Variants in EXOC4 observed in about 807,000 individuals in gnomAD.
EXOC4 encodes the protein exocyst complex component 4.
In EXOC4, 71 loss-of-function variants were observed where a neutral mutation model predicts 107.2. That is an observed-to-expected ratio of 0.66 (90% CI 0.55 to 0.81). EXOC4 has a LOEUF of 0.81. EXOC4 is among the 30% of genes least tolerant of loss of function. The pLI is 0.00. For missense variants in EXOC4, 1,108 were observed against 1,189.6 expected (o/e 0.93, Z 1.01); for synonymous variants, 456 against 441.2 (o/e 1.03, Z -0.42).
intron 7 of EXOC4, among the ~76,000 whole-genome samples, chr7:133,384,985 G>A (rs1796697334): frequency 6.6e-6 from 1 of 152,082 alleles, no homozygotes; most frequent in Non-Finnish European, 1.5e-5. Flanking sequence ...TCTGCAGCAT[G>A]GACTGGTTAG....
the EXOC4 span, among the ~76,000 whole-genome samples, chr7:134,088,717 G>T: frequency 6.6e-6 from 1 of 152,094 alleles, no homozygotes; most frequent in Non-Finnish European, 1.5e-5. Context: ...TTTTGAAGAG[G>T]ATTGAAACAA....
chr7:133,532,444 A>T (rs1215784185), intron 9 of EXOC4, among the ~76,000 whole-genome samples: 1 of 152,132 alleles, frequency 6.6e-6, no homozygotes, highest in African/African-American at 2.4e-5. Context: ...CACACTGATC[A>T]AGAGTTGGTG....
chr7:133,443,194 A>G (rs1487795641), intron 7 of EXOC4, among the ~76,000 whole-genome samples: 3 of 152,144 alleles, frequency 2.0e-5, no homozygotes, highest in Non-Finnish European at 4.4e-5. Flanking sequence ...AGGCACAGGC[A>G]TGGTTGTGGA....
intron 9 of EXOC4, chr7:133,576,485 G>A (rs1424986151): frequency 1.6e-6 from 2 of 1,281,696 alleles, no homozygotes; most frequent in Non-Finnish European, 2.0e-6. Flanking sequence ...TCTGTCGGTT[G>A]CATTTGATTT....
chr7:133,331,902 A>C (rs1344147860), intron 5 of EXOC4, among the ~76,000 whole-genome samples: 5 of 152,136 alleles, frequency 3.3e-5, no homozygotes, highest in African/African-American at 1.2e-4. Context: ...CTCCTCAGTC[A>C]CAGTATTTTG....
intron 13 of EXOC4, among the ~76,000 whole-genome samples, chr7:133,923,545 C>T (rs1374585134): frequency 6.6e-6 from 1 of 152,098 alleles, no homozygotes; most frequent in South Asian, 2.1e-4. Context: ...TATTTATTGG[C>T]CATTTGAATA....
intron 17 of EXOC4, among the ~76,000 whole-genome samples, chr7:134,048,987 T>C (rs1795722013): frequency 6.6e-6 from 1 of 152,172 alleles, no homozygotes; most frequent in Non-Finnish European, 1.5e-5. Context: ...TGTGACTTCT[T>C]TCTAAAATCG....
intron 5 of EXOC4, among the ~76,000 whole-genome samples, chr7:133,327,830 C>A (rs758703164): frequency 6.6e-6 from 1 of 152,090 alleles, no homozygotes; most frequent in African/African-American, 2.4e-5. Flanking sequence ...CGTTCTTTTG[C>A]ATTTGCTGAG....
At chr7:133,714,347 A>G (rs1467914654) in intron 10 of EXOC4, among the ~76,000 whole-genome samples, 1 of 152,088 alleles carries the variant, frequency 6.6e-6, no homozygotes, top group Non-Finnish European at 1.5e-5. Context: ...CATAGTCTGT[A>G]TTGTATGTTC....
rs1554477961 is a variant in EXOC4 at position 133,604,706 on chromosome 7, C to CTTTTTTT, written c.1418-25336_1418-25335insTTTTTTT. Among the ~76,000 whole-genome samples, 470 of 87,448 alleles carry CTTTTTTT rather than the reference C, an allele frequency of 5.4e-3. 55 individuals carry two copies. Among genetic ancestry groups the CTTTTTTT allele is most frequent in the South Asian group, 5.8e-3 (15 of 2,590 alleles). 57.4% of individuals were successfully genotyped at this position (87,448 alleles called of 152,430 possible). On this transcript the variant is annotated intron_variant, in intron 9 of 17. Transcript: ENST00000253861. ...TTTTTCTTTCCTTCCTTCCTTCCTT[C>CTTTTTTT]TTTCTTTTTTTTTTTTTTTTTTTTT...
At chr7:133,794,472 C>T (rs183880338) in intron 10 of EXOC4, among the ~76,000 whole-genome samples, 184 of 152,266 alleles carry the variant, frequency 1.2e-3, no homozygotes, top group African/African-American at 4.2e-3. Flanking sequence ...ATTTGGAGTT[C>T]TTACTTTATT....
chr7:133,427,223 T>C (rs1313444233), intron 7 of EXOC4, among the ~76,000 whole-genome samples: 1 of 152,150 alleles, frequency 6.6e-6, no homozygotes, highest in Non-Finnish European at 1.5e-5. Flanking sequence ...ATGAGGAGTA[T>C]TTGTTTTTGT....
chr7:133,859,223 T>C (rs535899087), intron 11 of EXOC4, among the ~76,000 whole-genome samples: 86 of 152,282 alleles, frequency 5.6e-4, no homozygotes, highest in Non-Finnish European at 9.3e-4. Flanking sequence ...AGAACATCAA[T>C]CTTCAGTGCC....
chr7:133,441,658 G>A (rs570051476), intron 7 of EXOC4, among the ~76,000 whole-genome samples: 1 of 152,142 alleles, frequency 6.6e-6, no homozygotes, highest in Non-Finnish European at 1.5e-5. Flanking sequence ...CTCCCAAAGT[G>A]CTGGGATTAC....
intron 5 of EXOC4, among the ~76,000 whole-genome samples, chr7:133,345,208 C>T (rs1795756787): frequency 6.6e-6 from 1 of 152,146 alleles, no homozygotes; most frequent in Non-Finnish European, 1.5e-5. Flanking sequence ...CTCTGAGCTA[C>T]ACATACTATC....
intron 10 of EXOC4, among the ~76,000 whole-genome samples, chr7:133,816,837 A>G (rs539453841): frequency 6.6e-6 from 1 of 152,286 alleles, no homozygotes; most frequent in Non-Finnish European, 1.5e-5. Flanking sequence ...GGCGGAGCTC[A>G]GGTGGTAATG....
chr7:134,043,410 T>G (rs1334318666), intron 17 of EXOC4, among the ~76,000 whole-genome samples: 1 of 152,160 alleles, frequency 6.6e-6, no homozygotes, highest in East Asian at 1.9e-4. Context: ...TTGTAAACAT[T>G]TACACCCCCC....
At chr7:133,484,451 A>G (rs1360154226) in intron 9 of EXOC4, among the ~76,000 whole-genome samples, 2 of 152,166 alleles carry the variant, frequency 1.3e-5, no homozygotes, top group South Asian at 2.1e-4. Context: ...GTTTTAATGA[A>G]CATTTTATTT....
rs987787429 is a variant in EXOC4, at chr7:133,344,258, A to G, written c.764-12072A>G. ...TCCTATCCCAAATTCTTGTTTGAGT[A>G]TATTGGTTCCATCTGGAATGTTGCC... On this transcript the variant is annotated intron_variant, in intron 5 of 17. Transcript: ENST00000253861. Among the ~76,000 whole-genome samples the G allele has an allele frequency of 3.3e-5, 5 of 152,040 alleles. 1 individual carries two copies. The highest frequency in any genetic ancestry group is 2.1e-4 in the South Asian group (1 of 4,820).
Sources: allele counts gnomAD v4.1 joint callset (sites outside exome capture counted in the v4.1 genomes callset), GRCh38; gene constraint gnomAD v4.1.1; transcripts MANE v1.5; gene names NCBI Gene and HGNC (gene_info 2026-07-23, HGNC 2026-07-21).